DLG2: variants seen among roughly 807,000 people sequenced by gnomAD.
DLG2 encodes the protein discs large MAGUK scaffold protein 2.
DLG2 carries 45 observed loss-of-function variants against 132.5 expected under a neutral mutation model. The observed-to-expected ratio is 0.34, with a 90% CI of 0.27 to 0.44. The LOEUF is 0.44. Ranked by LOEUF, DLG2 falls within the 20% of genes least tolerant of loss-of-function variation. The probability of loss-of-function intolerance (pLI) is 1.00; values close to 1 mark genes in which losing one functional copy is unlikely to be tolerated. For synonymous variants in DLG2, 424 were observed against 419.6 expected, an observed-to-expected ratio of 1.01 and a Z score of -0.13; for missense variants, 1,045 against 1,196.9, an observed-to-expected ratio of 0.87 and a Z score of 1.87.
chr11:84,046,072 G>C (rs1476123320), intron 11 of DLG2, among the ~76,000 whole-genome samples: 1 of 151,522 alleles, frequency 6.6e-6, no homozygotes, highest in African/African-American at 2.4e-5. Context: ...ATAAATTGAA[G>C]ACTTGGTCAC....
At chr11:84,409,497 T>C (rs1442540183) in intron 7 of DLG2, among the ~76,000 whole-genome samples, 1 of 152,234 alleles carries the variant, frequency 6.6e-6, no homozygotes, top group East Asian at 1.9e-4. Flanking sequence ...ATTCCTTAAA[T>C]ACATACAACA....
intron 6 of DLG2, among the ~76,000 whole-genome samples, chr11:84,902,528 C>T (rs1050237502): frequency 1.3e-5 from 2 of 152,144 alleles, no homozygotes; most frequent in African/African-American, 4.8e-5. Context: ...TTCACAACAT[C>T]TCTCCCCACA....
intron 3 of DLG2, among the ~76,000 whole-genome samples, chr11:85,399,786 T>C (rs2087850082): frequency 6.6e-6 from 1 of 152,116 alleles, no homozygotes; most frequent in Non-Finnish European, 1.5e-5. Context: ...TAATTCAAGA[T>C]GGATTAAAGA....
intron 7 of DLG2, among the ~76,000 whole-genome samples, chr11:84,507,421 C>T (rs1195523093): frequency 6.6e-6 from 1 of 152,158 alleles, no homozygotes; most frequent in Non-Finnish European, 1.5e-5. Flanking sequence ...ACTTATTAAA[C>T]AGTTTAACAT....
intron 19 of DLG2, among the ~76,000 whole-genome samples, chr11:83,627,467 G>A (rs1006162974): frequency 2.6e-5 from 4 of 151,968 alleles, no homozygotes; most frequent in African/African-American, 9.7e-5. Flanking sequence ...TGCGGTGTTT[G>A]GTTTTCTGTC....
intron 3 of DLG2, among the ~76,000 whole-genome samples, chr11:85,458,447 T>C (rs2092490584): frequency 6.6e-6 from 1 of 152,226 alleles, no homozygotes; most frequent in Non-Finnish European, 1.5e-5. Context: ...TTCAGCCATT[T>C]CAGTCTGGTT....
chr11:84,855,040 AG>A (rs1188702875), intron 6 of DLG2, among the ~76,000 whole-genome samples: 7 of 152,070 alleles, frequency 4.6e-5, no homozygotes, highest in African/African-American at 1.4e-4. Flanking sequence ...AATGGAGGAC[AG>A]GAAGCCTTGT....
At chr11:84,448,501 A>C (rs1272583675) in intron 7 of DLG2, among the ~76,000 whole-genome samples, 1 of 151,900 alleles carries the variant, frequency 6.6e-6, no homozygotes, top group Non-Finnish European at 1.5e-5. Flanking sequence ...TGTTTCCCCA[A>C]TGTGCTCTAT....
chr11:83,785,303 C>G (rs1282614011), intron 18 of DLG2, among the ~76,000 whole-genome samples: 8 of 152,188 alleles, frequency 5.3e-5, no homozygotes, highest in Non-Finnish European at 1.0e-4. Flanking sequence ...ATCCGCCCGT[C>G]TCAGCCTCCC....
chr11:85,352,044 T>A (rs1459978426), intron 3 of DLG2, among the ~76,000 whole-genome samples: 1 of 152,160 alleles, frequency 6.6e-6, no homozygotes, highest in East Asian at 1.9e-4. Context: ...GGTCCTGGAC[T>A]TTTTTTGGTT....
intron 11 of DLG2, among the ~76,000 whole-genome samples, chr11:84,028,706 G>A (rs1274492258): frequency 6.6e-6 from 1 of 152,066 alleles, no homozygotes; most frequent in East Asian, 1.9e-4. Context: ...TTTGGCTGGA[G>A]TGCCCTTCTC....
chr11:84,631,257 A>G (rs936569790), intron 6 of DLG2, among the ~76,000 whole-genome samples: 2 of 82,146 alleles, frequency 2.4e-5, no homozygotes, highest in South Asian at 4.1e-4. Flanking sequence ...ACCAGTAATT[A>G]GCCCATAAAA....
chr11:84,959,440 A>G (rs1361201560), intron 6 of DLG2, among the ~76,000 whole-genome samples: 1 of 152,200 alleles, frequency 6.6e-6, no homozygotes, highest in African/African-American at 2.4e-5. Context: ...GCATGCATCT[A>G]CAGTACTTGG....
intron 6 of DLG2, among the ~76,000 whole-genome samples, chr11:84,897,176 CTAATTT>C (rs2090320462): frequency 6.6e-6 from 1 of 151,604 alleles, no homozygotes; most frequent in African/African-American, 2.4e-5. Flanking sequence ...ATAATACTTT[CTAATTT>C]TGTCTGTTTC....
At chr11:83,913,040 T>C (rs1470946388) in intron 15 of DLG2, among the ~76,000 whole-genome samples, 4 of 152,150 alleles carry the variant, frequency 2.6e-5, no homozygotes, top group African/African-American at 7.2e-5. Flanking sequence ...CATTAGTTAA[T>C]ATCCCACAGA....
chr11:84,579,872 G>C (rs925131757), intron 6 of DLG2, among the ~76,000 whole-genome samples: 3 of 152,228 alleles, frequency 2.0e-5, no homozygotes, highest in Non-Finnish European at 4.4e-5. Context: ...ATACTTGACA[G>C]TACTTGGTGG....
At chr11:84,485,454 C>T (rs565239247) in intron 7 of DLG2, among the ~76,000 whole-genome samples, 2 of 152,138 alleles carry the variant, frequency 1.3e-5, no homozygotes, top group South Asian at 2.1e-4. Flanking sequence ...AATGGTTTTC[C>T]CTGACTCTGT....
At chr11:85,415,829 TCATCAGA>T (rs1299719038) in intron 3 of DLG2, among the ~76,000 whole-genome samples, 9 of 151,946 alleles carry the variant, frequency 5.9e-5, no homozygotes, top group East Asian at 3.9e-4. Flanking sequence ...ATAGTATCTA[TCATCAGA>T]TACTAACTAA....
At chr11:84,725,603 T>C (rs2062349717) in intron 6 of DLG2, among the ~76,000 whole-genome samples, 1 of 152,140 alleles carries the variant, frequency 6.6e-6, no homozygotes, top group South Asian at 2.1e-4. Context: ...ACGAAGCTCT[T>C]CCTAACAGTA....
Sources: gnomAD v4.1 joint callset for allele counts (sites outside exome capture counted in the v4.1 genomes callset) on GRCh38, gnomAD v4.1.1 for gene constraint, MANE v1.5 for transcripts, NCBI Gene and HGNC (gene_info 2026-07-23, HGNC 2026-07-21) for gene names.